The following CELF2 variants were observed in gnomAD, a reference collection of about 807,000 sequenced individuals.
CELF2 encodes CUG triplet repeat RNA-binding protein 2.
In CELF2, 8 loss-of-function variants were observed where a neutral mutation model predicts 62.6. That is an observed-to-expected ratio of 0.13 (90% CI 0.07 to 0.23). CELF2 has a LOEUF of 0.23. Ranked by LOEUF, CELF2 falls within the 10% of genes least tolerant of loss-of-function variation. The probability of loss-of-function intolerance (pLI) is 1.00; values close to 1 mark genes in which losing one functional copy is unlikely to be tolerated. For synonymous variants in CELF2, 258 were observed against 250.0 expected (o/e 1.03, Z -0.30); for missense variants, 333 against 671.0 (o/e 0.50, Z 5.56).
intron 1 of CELF2, among the ~76,000 whole-genome samples, chr10:11,096,749 C>T (rs1392331791): frequency 6.6e-6 from 1 of 152,178 alleles, no homozygotes. Flanking sequence ...ACTTAGGAAG[C>T]AACAAGTCAC....
the CELF2 span, among the ~76,000 whole-genome samples, chr10:10,608,126 T>C: frequency 7.5e-6 from 1 of 133,898 alleles, no homozygotes; most frequent in African/African-American, 2.6e-5. Flanking sequence ...CAAAACTCTG[T>C]TAAAAACAAA....
intron 2 of CELF2, among the ~76,000 whole-genome samples, chr10:10,949,588 T>C (rs1176607627): frequency 6.6e-6 from 1 of 151,356 alleles, no homozygotes; most frequent in African/African-American, 2.4e-5. Context: ...GGCCAGGAGT[T>C]CAAGACCAGC....
At chr10:11,215,191 G>A (rs537773098) in intron 2 of CELF2, among the ~76,000 whole-genome samples, 3 of 152,298 alleles carry the variant, frequency 2.0e-5, no homozygotes, top group African/African-American at 7.2e-5. Flanking sequence ...TGGACTCTCA[G>A]GCAGCGAGCC....
intron 1 of CELF2, among the ~76,000 whole-genome samples, chr10:11,148,301 A>T (rs945023940): frequency 5.3e-5 from 8 of 152,230 alleles, no homozygotes; most frequent in Admixed American, 3.3e-4. Context: ...CATTGTTCAG[A>T]TTTAGCCAGC....
intron 2 of CELF2, among the ~76,000 whole-genome samples, chr10:10,973,099 G>A (rs2050930815): frequency 6.6e-6 from 1 of 151,234 alleles, no homozygotes; most frequent in Admixed American, 6.6e-5. Flanking sequence ...AGACCAGCCT[G>A]GCCAACATGT....
chr10:11,037,945 CTTTGT>C (rs1008906109), intron 1 of CELF2, among the ~76,000 whole-genome samples: 2 of 144,916 alleles, frequency 1.4e-5, no homozygotes, highest in African/African-American at 2.5e-5. Context: ...CTTGAGATTT[CTTTGT>C]TTTGGGGAAG....
chr10:10,696,759 C>A, the CELF2 span, among the ~76,000 whole-genome samples: 1 of 152,132 alleles, frequency 6.6e-6, no homozygotes, highest in Non-Finnish European at 1.5e-5. Flanking sequence ...GGGAGTGACT[C>A]GATTTTCCAG....
chr10:10,715,478 C>A, the CELF2 span, among the ~76,000 whole-genome samples: 1 of 152,110 alleles, frequency 6.6e-6, no homozygotes, highest in Non-Finnish European at 1.5e-5. Context: ...ATGAGAGCAT[C>A]TTTTTCCATA....
At chr10:10,760,849 G>A in the CELF2 span, among the ~76,000 whole-genome samples, 3 of 152,090 alleles carry the variant, frequency 2.0e-5, no homozygotes, top group African/African-American at 7.2e-5. Flanking sequence ...CTCAGGGAAG[G>A]AGAGAGATGG....
chr10:11,010,542 C>T lies in CELF2; in HGVS notation c.53+5102C>T, dbSNP rs890716775. On this transcript the variant is annotated intron_variant, in intron 1 of 12. Transcript: ENST00000416382. This position sits in a 1 kb window ranked among gnomAD's most constrained non-coding sequence, Gnocchi z 4.1. Reference sequence around the variant, plus strand: ...CTTTGATCTTGTATAATTTAATCCTCAGATATCCAAGAGTTAATGGTAGTT... The same window carrying T: ...CTTTGATCTTGTATAATTTAATCCTTAGATATCCAAGAGTTAATGGTAGTT... 6.6e-6 allele frequency among the ~76,000 whole-genome samples: 1 copy of T among 152,158 alleles called. No individual in the cohort carries two copies.
chr10:10,832,409 C>T (rs994304164), intron 1 of CELF2, among the ~76,000 whole-genome samples: 10 of 152,118 alleles, frequency 6.6e-5, no homozygotes, highest in Non-Finnish European at 1.5e-4. Flanking sequence ...AGGGCCTTTC[C>T]AAAGATCCCA....
chr10:10,669,895 A>G, the CELF2 span, among the ~76,000 whole-genome samples: 1 of 124,810 alleles, frequency 8.0e-6, no homozygotes, highest in Non-Finnish European at 1.6e-5. Context: ...AGTCTCTTAT[A>G]TGCCTTTTTT....
At chr10:10,886,901 T>G (rs566114614) in intron 1 of CELF2, among the ~76,000 whole-genome samples, 2 of 152,274 alleles carry the variant, frequency 1.3e-5, no homozygotes, top group South Asian at 4.2e-4. Context: ...GTTTGTGGTA[T>G]GCCAAGCAAG....
At chr10:10,952,596 A>G (rs1166476877) in intron 2 of CELF2, among the ~76,000 whole-genome samples, 1 of 152,040 alleles carries the variant, frequency 6.6e-6, no homozygotes, top group Non-Finnish European at 1.5e-5. Flanking sequence ...CTATATAAAT[A>G]GATACTTTAA....
intron 1 of CELF2, among the ~76,000 whole-genome samples, chr10:10,885,796 T>C (rs1330612256): frequency 6.6e-6 from 1 of 152,220 alleles, no homozygotes; most frequent in African/African-American, 2.4e-5. Flanking sequence ...TTCTTCCATC[T>C]TCAAAGCCAG....
At chr10:10,832,820 G>A (rs574617065) in intron 1 of CELF2, among the ~76,000 whole-genome samples, 32 of 152,190 alleles carry the variant, frequency 2.1e-4, no homozygotes, top group Admixed American at 1.6e-3. Flanking sequence ...CACTGGAATC[G>A]GAGGGGAGAG....
the CELF2 span, among the ~76,000 whole-genome samples, chr10:10,717,012 T>C: frequency 3.9e-5 from 6 of 152,174 alleles, no homozygotes; most frequent in African/African-American, 1.2e-4. Flanking sequence ...TCAGTTTTTA[T>C]CAGGGACTCA....
intron 1 of CELF2, among the ~76,000 whole-genome samples, chr10:11,155,136 T>C (rs1401536401): frequency 6.6e-6 from 1 of 152,244 alleles, no homozygotes; most frequent in African/African-American, 2.4e-5. Flanking sequence ...CATTTCTCTT[T>C]GTTGTCTCAT....
chr10:10,724,078 A>C, the CELF2 span, among the ~76,000 whole-genome samples: 1 of 152,240 alleles, frequency 6.6e-6, no homozygotes, highest in Non-Finnish European at 1.5e-5. Context: ...AAGCAGAAAG[A>C]GAGGCCCTGC....
Sources: gnomAD v4.1 joint callset for allele counts (sites outside exome capture counted in the v4.1 genomes callset) on GRCh38, gnomAD v4.1.1 for gene constraint, Gnocchi (gnomAD v3.1) non-coding constraint, MANE v1.5 for transcripts, NCBI Gene and HGNC (gene_info 2026-07-23, HGNC 2026-07-21) for gene names.